Variants in GALNTL6 observed in about 807,000 individuals in gnomAD.
GALNTL6 encodes the protein polypeptide N-acetylgalactosaminyltransferase-like 6.
A neutral mutation model predicts 73.7 loss-of-function variants in GALNTL6; 46 were observed. The observed-to-expected ratio is 0.62, with a 90% CI of 0.49 to 0.80. The LOEUF is 0.80. GALNTL6 is among the 30% of genes least tolerant of loss of function. The pLI, the probability that GALNTL6 is intolerant of heterozygous loss-of-function variation, is 0.00. For synonymous variants in GALNTL6, 259 were observed against 263.7 expected (o/e 0.98, Z 0.17); for missense variants, 604 against 755.0 (o/e 0.80, Z 2.34).
rs189819394 is a variant in GALNTL6 at position 172,621,515 on chromosome 4, T to C, written c.554-187846T>C. Among the ~76,000 whole-genome samples the C allele has an allele frequency of 6.2e-4, 94 of 152,354 alleles. 1 individual carries two copies. The South Asian group carries it at 0.016, about 25-fold the overall frequency. ...CAATTAATCTACTTCCAACTTCCAA[T>C]TTTTTGTCCTTTACAACCTCGTCAG... On this transcript the variant is annotated intron_variant, in intron 5 of 12. Coordinates refer to ENST00000506823, the MANE Select transcript of GALNTL6 (RefSeq NM_001034845.3).
intron 8 of GALNTL6, among the ~76,000 whole-genome samples, chr4:172,911,538 T>C (rs1747204032): frequency 6.6e-6 from 1 of 152,204 alleles, no homozygotes; most frequent in Non-Finnish European, 1.5e-5. Context: ...CTATGGAATT[T>C]TTTCCTACAG....
At chr4:172,773,835 T>C (rs1000776442) in intron 5 of GALNTL6, among the ~76,000 whole-genome samples, 13 of 152,152 alleles carry the variant, frequency 8.5e-5, no homozygotes, top group Admixed American at 3.9e-4. Flanking sequence ...TGAGAATGTG[T>C]TAGGGAAAAG....
intron 2 of GALNTL6, among the ~76,000 whole-genome samples, chr4:171,985,611 G>A (rs1740047956): frequency 1.3e-5 from 2 of 152,124 alleles, no homozygotes; most frequent in Admixed American, 6.5e-5. Context: ...TTGAAGAGAT[G>A]TCTGGCTAAA....
intron 5 of GALNTL6, among the ~76,000 whole-genome samples, chr4:172,777,570 C>T (rs1372959002): frequency 1.3e-5 from 2 of 152,194 alleles, no homozygotes; most frequent in East Asian, 1.9e-4. Context: ...AGAAAACATA[C>T]TTTGCATTGT....
intron 2 of GALNTL6, among the ~76,000 whole-genome samples, chr4:171,820,883 C>T (rs1734659926): frequency 6.6e-6 from 1 of 152,030 alleles, no homozygotes; most frequent in Non-Finnish European, 1.5e-5. Context: ...TTCAAGTATT[C>T]AAATATTCAT....
intron 2 of GALNTL6, among the ~76,000 whole-genome samples, chr4:172,054,465 C>T (rs991169736): frequency 1.3e-5 from 2 of 152,128 alleles, no homozygotes; most frequent in African/African-American, 4.8e-5. Context: ...CTTGTCACAG[C>T]TCTGGAGGCT....
intron 2 of GALNTL6, among the ~76,000 whole-genome samples, chr4:172,204,772 G>A (rs1036143503): frequency 1.3e-5 from 2 of 152,100 alleles, no homozygotes; most frequent in Admixed American, 6.5e-5. Context: ...ATTTTAAAAA[G>A]TCAATTTGTG....
At chr4:171,998,130 T>C (rs1327072525) in intron 2 of GALNTL6, among the ~76,000 whole-genome samples, 2 of 152,134 alleles carry the variant, frequency 1.3e-5, no homozygotes, top group African/African-American at 4.8e-5. Context: ...AAACAAATCA[T>C]GAGCAATGCT....
At chr4:172,667,537 G>T (rs773924980) in intron 5 of GALNTL6, 3 of 152,194 alleles carry the variant, frequency 2.0e-5, no homozygotes, top group Non-Finnish European at 4.4e-5. Flanking sequence ...AATTCCATGA[G>T]ATTATAGGAC....
chr4:172,755,782 C>G lies in GALNTL6; in HGVS notation c.554-53579C>G, dbSNP rs148199420. 1.3e-3 allele frequency among the ~76,000 whole-genome samples: 201 copies of G among 152,238 alleles called. 1 individual carries two copies. The highest frequency in any genetic ancestry group is 4.6e-3 in the African/African-American group (192 of 41,542). On this transcript the variant is annotated intron_variant, in intron 5 of 12. Coordinates refer to ENST00000506823, the MANE Select transcript of GALNTL6 (RefSeq NM_001034845.3). ...TAATTTGTGTTGACTTTAGAAATAT[C>G]TATTCTTACAAGGCATCTTTTAACT...
rs980597529 is a variant in GALNTL6, at chr4:172,892,686, G to C, written c.1041+9779G>C. 4.0e-5 allele frequency among the ~76,000 whole-genome samples: 6 copies of C among 148,370 alleles called. No individual in the cohort carries two copies. In the Admixed American group the frequency reaches 4.1e-4, roughly 10 times the overall value. On this transcript the variant is annotated intron_variant, in intron 8 of 12. Transcript: ENST00000506823. ...TTACTGACTGCTGCATATGCCATAT[G>C]CCCTTACTCTTAAGTGGTCTGGAGA...
intron 4 of GALNTL6, among the ~76,000 whole-genome samples, chr4:172,327,915 T>C (rs1257757419): frequency 1.3e-5 from 2 of 152,168 alleles, no homozygotes; most frequent in African/African-American, 4.8e-5. Context: ...TGTGTCGATA[T>C]GATTCTCATT....
chr4:171,884,911 G>T (rs535201506), intron 2 of GALNTL6, among the ~76,000 whole-genome samples: 3 of 151,894 alleles, frequency 2.0e-5, no homozygotes, highest in Admixed American at 6.6e-5. Flanking sequence ...CAAAAAATTA[G>T]CTGAGTGTGG....
intron 5 of GALNTL6, among the ~76,000 whole-genome samples, chr4:172,538,236 A>C (rs1579166709): frequency 6.6e-6 from 1 of 152,076 alleles, no homozygotes; most frequent in Non-Finnish European, 1.5e-5. Flanking sequence ...TGAGGTGGGC[A>C]GATCATGAGG....
In GALNTL6 at chr4:171,851,681, A is replaced by G. The variant is rs576741501; in HGVS notation, c.138+36963A>G. On this transcript the variant is annotated intron_variant, in intron 2 of 12. Coordinates refer to ENST00000506823, the MANE Select transcript of GALNTL6 (RefSeq NM_001034845.3). The stretch of plus-strand genomic sequence containing the variant: ...GTTATCTTTTTTGGGTCTATTGATG[A>G]ACTTAATCTTTTCATTATTGCATGT... 4.1e-3 allele frequency among the ~76,000 whole-genome samples: 629 copies of G among 152,280 alleles called. 1 individual carries two copies. The highest frequency in any genetic ancestry group is 6.6e-3 in the Non-Finnish European group (446 of 68,004).
intron 2 of GALNTL6, among the ~76,000 whole-genome samples, chr4:171,865,155 A>C (rs2110885369): frequency 6.6e-6 from 1 of 152,288 alleles, no homozygotes; most frequent in Non-Finnish European, 1.5e-5. Context: ...TCAAAAAAAA[A>C]AAAGATTTAA....
intron 2 of GALNTL6, among the ~76,000 whole-genome samples, chr4:171,878,020 A>G (rs1420443925): frequency 6.6e-6 from 1 of 152,200 alleles, no homozygotes; most frequent in African/African-American, 2.4e-5. Flanking sequence ...CTGTTTATAA[A>G]TGACTTCATA....
chr4:171,870,792 T>C (rs546370309), intron 2 of GALNTL6, among the ~76,000 whole-genome samples: 1 of 152,312 alleles, frequency 6.6e-6, no homozygotes, highest in South Asian at 2.1e-4. Flanking sequence ...GAGATTGCAG[T>C]TATGCAGCTA....
Position 172,533,316 on chromosome 4 carries a change from A to ATTTTTTTT in GALNTL6, c.553+184646_553+184653dup, listed in dbSNP as rs34973148. On this transcript the variant is annotated intron_variant, in intron 5 of 12. Coordinates refer to ENST00000506823, the MANE Select transcript of GALNTL6 (RefSeq NM_001034845.3). ...GCGTGAGCCGCCGTGCCCGGCCAGAATTTTTTTTTTTTTTTTTTTTTTTTT... is the reference window on the plus strand; with the variant it reads ...GCGTGAGCCGCCGTGCCCGGCCAGAATTTTTTTTTTTTTTTTTTTTTTTTTTTTTTTTT... Among the ~76,000 whole-genome samples, 13 of 77,394 alleles carry ATTTTTTTT rather than the reference A, an allele frequency of 1.7e-4. 1 individual carries two copies. Among genetic ancestry groups the ATTTTTTTT allele is most frequent in the East Asian group, 4.2e-4 (1 of 2,402 alleles). 50.8% of individuals were successfully genotyped at this position (77,394 alleles called of 152,430 possible). A position where few individuals can be genotyped will look rare whatever the true frequency, so the allele number is the denominator to read the frequency against.
Sources: allele counts gnomAD v4.1 joint callset (sites outside exome capture counted in the v4.1 genomes callset), GRCh38; gene constraint gnomAD v4.1.1; transcripts MANE v1.5; gene names NCBI Gene and HGNC (gene_info 2026-07-23, HGNC 2026-07-21).